The following ADAM10 variants were observed in gnomAD, a reference collection of about 807,000 sequenced individuals.
ADAM10 encodes disintegrin and metalloproteinase domain-containing protein 10.
ADAM10 carries 17 observed loss-of-function variants against 90.1 expected under a neutral mutation model. The observed-to-expected ratio is 0.19, with a 90% CI of 0.13 to 0.28. ADAM10 has a LOEUF of 0.28. Ranked by LOEUF, ADAM10 falls within the 10% of genes least tolerant of loss-of-function variation. The pLI is 1.00. For missense variants in ADAM10, 610 were observed against 914.3 expected, an observed-to-expected ratio of 0.67 and a Z score of 4.29; for synonymous variants, 310 against 298.6, an observed-to-expected ratio of 1.04 and a Z score of -0.40.
At chr15:58,688,751 A>T (rs1278333464) in intron 2 of ADAM10, among the ~76,000 whole-genome samples, 1 of 122,512 alleles carries the variant, frequency 8.2e-6, no homozygotes, top group Non-Finnish European at 1.6e-5. Flanking sequence ...ATAATTTCTA[A>T]AATGAAAAAA....
intron 1 of ADAM10, among the ~76,000 whole-genome samples, chr15:58,728,159 G>C (rs1473728979): frequency 6.6e-6 from 1 of 152,146 alleles, no homozygotes; most frequent in Non-Finnish European, 1.5e-5. Context: ...CTGACTACAG[G>C]AGAATTAAGC....
chr15:58,594,102 T>G lies in ADAM10; in HGVS notation c.*3445A>C, dbSNP rs1894891391. 6.6e-6 allele frequency: 1 copy of G among 152,356 alleles called. No homozygotes were observed. The highest frequency in any genetic ancestry group is 2.4e-5 in the African/African-American group (1 of 41,584). 9.4% of individuals were successfully genotyped at this position (152,356 alleles called of 1,614,324 possible). A position where few individuals can be genotyped will look rare whatever the true frequency, so the allele number is the denominator to read the frequency against. ...TGGTTTTGGGGAAACTAAAATTTCT[T>G]ACAACTTTAGTGACTTCTCTAAAGA... On this transcript the variant is annotated 3_prime_UTR_variant, in exon 16 of 16. Coordinates refer to ENST00000260408, the MANE Select transcript of ADAM10 (RefSeq NM_001110.4).
intron 5 of ADAM10, among the ~76,000 whole-genome samples, chr15:58,663,109 A>C (rs1217521002): frequency 4.6e-5 from 7 of 152,230 alleles, no homozygotes; most frequent in African/African-American, 7.2e-5. Flanking sequence ...GCCTAGTTAG[A>C]TATCAGTTAC....
rs142446574 is a variant in ADAM10, at chr15:58,643,557, T to C, written c.828+329A>G. The stretch of plus-strand genomic sequence containing the variant: ...CAAATTTTAGGAAACTGAGGGATAA[T>C]TGGGGAAAAGTCAAGCACTATAGCC... On this transcript the variant is annotated intron_variant, in intron 7 of 15. Transcript: ENST00000260408. 3.9e-4 allele frequency among the ~76,000 whole-genome samples: 59 copies of C among 152,256 alleles called. No homozygotes were observed. In the East Asian group the frequency reaches 8.3e-3, roughly 21 times the overall value.
At position 58,597,683 on chromosome 15, in the gene ADAM10, G is replaced by A. The variant is rs745924212; in HGVS notation, c.2153-42C>T. 4 of 1,608,316 alleles carry A rather than the reference G, an allele frequency of 2.5e-6. No homozygotes were observed. In the Admixed American group the frequency reaches 5.0e-5, roughly 20 times the overall value. Reference sequence around the variant, plus strand: ...AAAGCAAAGCAGATTTATTTATCATGAGCTTTTTAATCTTTAAAAGCAAAG... The same window carrying A: ...AAAGCAAAGCAGATTTATTTATCATAAGCTTTTTAATCTTTAAAAGCAAAG... On this transcript the variant is annotated intron_variant, in intron 15 of 15. Coordinates refer to ENST00000260408, the MANE Select transcript of ADAM10 (RefSeq NM_001110.4).
At chr15:58,650,540 T>A (rs1470592982) in intron 5 of ADAM10, among the ~76,000 whole-genome samples, 2 of 152,176 alleles carry the variant, frequency 1.3e-5, no homozygotes, top group Non-Finnish European at 2.9e-5. Flanking sequence ...ATTTTCATCC[T>A]CAGCCTCATG....
intron 5 of ADAM10, among the ~76,000 whole-genome samples, chr15:58,650,570 T>A (rs1896659297): frequency 6.6e-6 from 1 of 152,132 alleles, no homozygotes. Flanking sequence ...AGTTCTACTC[T>A]CCCTCTCAGT....
chr15:58,735,238 C>G (rs1483770027), intron 1 of ADAM10, among the ~76,000 whole-genome samples: 12 of 152,174 alleles, frequency 7.9e-5, no homozygotes, highest in Non-Finnish European at 1.3e-4. Flanking sequence ...TACTCCGATT[C>G]CTTATCACCT....
At chr15:58,688,202 C>A (rs1411480395) in intron 2 of ADAM10, among the ~76,000 whole-genome samples, 1 of 151,994 alleles carries the variant, frequency 6.6e-6, no homozygotes, top group African/African-American at 2.4e-5. Flanking sequence ...TCCTGTGACT[C>A]TACAATTATT....
Position 58,633,970 on chromosome 15 carries a change from G to C in ADAM10, c.1013-611C>G, listed in dbSNP as rs574318099. On this transcript the variant is annotated intron_variant, in intron 8 of 15. Coordinates refer to ENST00000260408, the MANE Select transcript of ADAM10 (RefSeq NM_001110.4). ...GAAGATGGGTGGGAAGGAAGGGAGA[G>C]ATAGAAAGCAAATGCGACAAAAGGT... is the stretch of plus-strand genomic sequence containing the variant. Among the ~76,000 whole-genome samples, 226 of 151,494 alleles carry C rather than the reference G, an allele frequency of 1.5e-3. 3 individuals carry two copies. The highest frequency in any genetic ancestry group is 0.01 in the Middle Eastern group (3 of 286).
At chr15:58,674,141 T>C (rs1407885594) in intron 4 of ADAM10, among the ~76,000 whole-genome samples, 1 of 152,214 alleles carries the variant, frequency 6.6e-6, no homozygotes, top group South Asian at 2.1e-4. Context: ...TTCTCAACTT[T>C]TCGGCTTCTG....
At chr15:58,613,930 A>G (rs1046659985) in intron 11 of ADAM10, among the ~76,000 whole-genome samples, 9 of 152,190 alleles carry the variant, frequency 5.9e-5, no homozygotes, top group African/African-American at 2.2e-4. Context: ...AACCTAGGCA[A>G]TGTAGTGAAA....
chr15:58,713,026 G>A (rs1334223421), intron 2 of ADAM10, among the ~76,000 whole-genome samples: 1 of 152,190 alleles, frequency 6.6e-6, no homozygotes, highest in Non-Finnish European at 1.5e-5. Flanking sequence ...AATTACCGAT[G>A]AGGATGACAT....
rs528876802 is a variant in ADAM10, at chr15:58,662,627, A to G, written c.585+2470T>C. On this transcript the variant is annotated intron_variant, in intron 5 of 15. Transcript: ENST00000260408. ...TTCTAAAGTGCTGGGATTCACAGGC[A>G]TGAACCACCACACCTGGCCCAAGTA... Among the ~76,000 whole-genome samples the G allele has an allele frequency of 3.0e-4, 45 of 152,288 alleles. 1 individual carries two copies. Among genetic ancestry groups the G allele is most frequent in the South Asian group, 1.0e-3 (5 of 4,822 alleles).
chr15:58,610,605 G>T, intron 13 of ADAM10, 88 bp from the exon 14 acceptor site: 1 of 1,294,552 alleles, frequency 7.7e-7, no homozygotes, highest in South Asian at 1.2e-5. Flanking sequence ...TACAAAGAGG[G>T]AAAAAAAACT....
chr15:58,650,378 G>C (rs1238028778), intron 5 of ADAM10, among the ~76,000 whole-genome samples: 1 of 152,138 alleles, frequency 6.6e-6, no homozygotes, highest in Non-Finnish European at 1.5e-5. Flanking sequence ...AGTAATCCTG[G>C]ATCACCTTAA....
chr15:58,674,948 G>C (rs1431608574), intron 4 of ADAM10, among the ~76,000 whole-genome samples: 5 of 152,246 alleles, frequency 3.3e-5, no homozygotes, highest in Non-Finnish European at 5.9e-5. Flanking sequence ...CCAACACTTT[G>C]GGAGGCCGAG....
At chr15:58,711,097 A>C (rs1241415946) in intron 2 of ADAM10, among the ~76,000 whole-genome samples, 1 of 152,240 alleles carries the variant, frequency 6.6e-6, no homozygotes, top group Non-Finnish European at 1.5e-5. Context: ...CATTTGTTTT[A>C]AACAGTTTGG....
At chr15:58,631,435 T>C (rs918230201) in intron 9 of ADAM10, among the ~76,000 whole-genome samples, 5 of 152,002 alleles carry the variant, frequency 3.3e-5, no homozygotes, top group Admixed American at 6.5e-5. Flanking sequence ...GGCAGCTAGG[T>C]AGGAAAGAGA....
Sources: gnomAD v4.1 joint callset for allele counts (sites outside exome capture counted in the v4.1 genomes callset) on GRCh38, gnomAD v4.1.1 for gene constraint, MANE v1.5 for transcripts, NCBI Gene and HGNC (gene_info 2026-07-23, HGNC 2026-07-21) for gene names.